The following FSTL4 variants were observed in gnomAD, a reference collection of about 807,000 sequenced individuals.
FSTL4 encodes follistatin like 4.
FSTL4 carries 28 observed loss-of-function variants against 78.2 expected under a neutral mutation model. The observed-to-expected ratio is 0.36, with a 90% confidence interval of 0.27 to 0.49. The LOEUF (loss-of-function observed/expected upper bound fraction) is 0.49, where lower values mean the gene tolerates loss of function less well. FSTL4 is among the 20% of genes least tolerant of loss of function. The pLI is 0.98. For missense variants in FSTL4, 922 were observed against 1,084.9 expected (o/e 0.85, Z 2.11); for synonymous variants, 422 against 440.5 (o/e 0.96, Z 0.53).
intron 7 of FSTL4, among the ~76,000 whole-genome samples, chr5:133,246,259 T>C (rs1370407314): frequency 6.6e-6 from 1 of 152,204 alleles, no homozygotes; most frequent in Non-Finnish European, 1.5e-5. Flanking sequence ...TGAGGGACTC[T>C]GGGAGCCTCA....
chr5:133,697,197 C>A, the FSTL4 span, among the ~76,000 whole-genome samples: 20 of 152,338 alleles, frequency 1.3e-4, no homozygotes, highest in African/African-American at 4.6e-4. Context: ...ACACTGCTGG[C>A]AGGCCAAGGG....
intron 3 of FSTL4, among the ~76,000 whole-genome samples, chr5:133,549,925 T>C (rs1288596003): frequency 6.6e-6 from 1 of 152,320 alleles, no homozygotes; most frequent in Middle Eastern, 3.4e-3. Context: ...ATCCTTACAC[T>C]AGAGAGGTAG....
chr5:133,468,344 GC>G (rs561080878), intron 3 of FSTL4, among the ~76,000 whole-genome samples: 47 of 152,370 alleles, frequency 3.1e-4, no homozygotes, highest in Non-Finnish European at 6.2e-4. Flanking sequence ...GACCCTGGGT[GC>G]CACAGTCCAG....
chr5:133,482,725 G>A (rs760997066), intron 3 of FSTL4, among the ~76,000 whole-genome samples: 12 of 152,208 alleles, frequency 7.9e-5, no homozygotes, highest in Non-Finnish European at 1.2e-4. Flanking sequence ...TGGTATGCAC[G>A]AGAGTGGGGA....
At chr5:133,606,237 C>T (rs1403432930) in intron 1 of FSTL4, among the ~76,000 whole-genome samples, 1 of 152,216 alleles carries the variant, frequency 6.6e-6, no homozygotes, top group Non-Finnish European at 1.5e-5. Context: ...TCTCCTGCCT[C>T]AGCCTCCCGA....
At chr5:133,312,850 A>G (rs892332617) in intron 5 of FSTL4, 73 bp from the exon 6 acceptor site, 34 of 1,487,958 alleles carry the variant, frequency 2.3e-5, no homozygotes, top group African/African-American at 4.1e-5. Context: ...AAAATGACTC[A>G]GGCCAAGAGG....
chr5:133,510,976 A>G (rs546470899), intron 3 of FSTL4, among the ~76,000 whole-genome samples: 7 of 152,314 alleles, frequency 4.6e-5, no homozygotes, highest in Admixed American at 2.6e-4. Context: ...AGCCATTCTT[A>G]CAGTGATTTT....
intron 8 of FSTL4, among the ~76,000 whole-genome samples, chr5:133,228,090 G>C (rs991181386): frequency 3.9e-5 from 6 of 152,116 alleles, no homozygotes; most frequent in Non-Finnish European, 7.3e-5. Flanking sequence ...AGCCGGGTGT[G>C]GTGGCACACA....
chr5:133,211,195 T>C (rs1750700586), intron 13 of FSTL4, among the ~76,000 whole-genome samples: 1 of 152,226 alleles, frequency 6.6e-6, no homozygotes, highest in African/African-American at 2.4e-5. Context: ...TAGCTTCTCC[T>C]ATGGCCCTGT....
intron 3 of FSTL4, among the ~76,000 whole-genome samples, chr5:133,431,895 G>C (rs961758275): frequency 2.0e-5 from 3 of 152,012 alleles, no homozygotes; most frequent in African/African-American, 7.3e-5. Context: ...AATTACAATA[G>C]TGATACTAGC....
chr5:133,737,286 C>T, the FSTL4 span, among the ~76,000 whole-genome samples: 1 of 152,012 alleles, frequency 6.6e-6, no homozygotes, highest in South Asian at 2.1e-4. Flanking sequence ...GGTAACAATC[C>T]TTTTACTCTC....
At chr5:133,734,106 A>G in the FSTL4 span, among the ~76,000 whole-genome samples, 76 of 152,370 alleles carry the variant, frequency 5.0e-4, 1 homozygote, top group African/African-American at 1.6e-3. Context: ...CTGATAAAAG[A>G]AAGTCACTAA....
chr5:133,346,482 A>T (rs1405311967), intron 4 of FSTL4, among the ~76,000 whole-genome samples: 1 of 152,230 alleles, frequency 6.6e-6, no homozygotes, highest in Non-Finnish European at 1.5e-5. Flanking sequence ...TGCTAATGCC[A>T]ATCTGCCAAC....
At chr5:133,753,976 A>G in the FSTL4 span, among the ~76,000 whole-genome samples, 55,900 of 151,978 alleles carry the variant, frequency 0.37, 10,967 homozygotes, top group Middle Eastern at 0.46. Flanking sequence ...TTGCAATAAG[A>G]AAATGGCTGT....
the FSTL4 span, among the ~76,000 whole-genome samples, chr5:133,701,509 A>ACACACACACACAC: frequency 9.5e-4 from 126 of 132,688 alleles, no homozygotes; most frequent in African/African-American, 2.4e-3. Flanking sequence ...ACACACACAC[A>ACACACACACACAC]CCCCACAGGC....
chr5:133,305,400 C>G (rs1196253886), intron 6 of FSTL4, among the ~76,000 whole-genome samples: 3 of 152,224 alleles, frequency 2.0e-5, no homozygotes, highest in Non-Finnish European at 4.4e-5. Flanking sequence ...CTCCCTCAGT[C>G]AAGCCCCTTG....
the FSTL4 span, among the ~76,000 whole-genome samples, chr5:133,743,787 C>A: frequency 1.3e-5 from 2 of 152,186 alleles, no homozygotes; most frequent in East Asian, 1.9e-4. Flanking sequence ...GAATCTAACC[C>A]GCTTTAACAG....
the FSTL4 span, among the ~76,000 whole-genome samples, chr5:133,618,261 G>A: frequency 0.4 from 61,156 of 151,948 alleles, 12,498 homozygotes; most frequent in South Asian, 0.47. Flanking sequence ...TATATGTAAT[G>A]TTTCAGATTG....
At chr5:133,349,295 CTGTGTGTGTGTGTGTG>C (rs1554107119) in intron 4 of FSTL4, among the ~76,000 whole-genome samples, 4 of 139,682 alleles carry the variant, frequency 2.9e-5, no homozygotes, top group East Asian at 2.2e-4. Context: ...GCCTCTCTCT[CTGTGTGTGTGTGTGTG>C]TGTGTGTGTG....
Sources: allele counts gnomAD v4.1 joint callset (sites outside exome capture counted in the v4.1 genomes callset), GRCh38; gene constraint gnomAD v4.1.1; transcripts MANE v1.5; gene names NCBI Gene and HGNC (gene_info 2026-07-23, HGNC 2026-07-21).